CD4: variants seen among roughly 807,000 people sequenced by gnomAD.
The protein encoded by CD4 is CD4 molecule.
CD4 carries 25 observed loss-of-function variants against 50.5 expected under a neutral mutation model. The ratio of observed to expected loss-of-function variants is 0.49; its 90% CI spans 0.36 to 0.69. The LOEUF is 0.69. Among genes scored for constraint, CD4 ranks in the 30% least tolerant of loss-of-function variants. CD4 has a pLI of 0.00. For synonymous variants in CD4, 207 were observed against 221.9 expected (o/e 0.93, Z 0.60); for missense variants, 456 against 548.5 (o/e 0.83, Z 1.68).
Position 6,816,080 on chromosome 12 carries a change from T to C in CD4, c.632T>C (p.Val211Ala). 1 of 1,614,068 alleles carries C rather than the reference T, an allele frequency of 6.2e-7. No homozygotes were observed. The highest frequency in any genetic ancestry group is 8.5e-7 in the Non-Finnish European group (1 of 1,180,010). Residue 211 changes from valine to alanine, a missense_variant, in exon 6 of 10, where the codon GTC (valine) becomes GCC (alanine). Val to Ala is a moderately conservative substitution (Grantham distance 64). Transcript: ENST00000011653. This position sits in a 1 kb window ranked among gnomAD's most constrained non-coding sequence, Gnocchi z 4.9. ...GCTTTCCAGAAGGCCTCCAGCATAG[T>C]CTATAAGAAAGAGGGGGAACAGGTG... is the stretch of plus-strand genomic sequence containing the variant. Reference protein sequence around the residue: ...VLAFQKASSIVYKKEGEQVEF... With the variant: ...VLAFQKASSIAYKKEGEQVEF...
At chr12:6,793,970 A>ATATCTATCTATC (rs35782413) in intron 1 of CD4, among the ~76,000 whole-genome samples, 22,978 of 133,698 alleles carry the variant, frequency 0.17, 2,006 homozygotes, top group Middle Eastern at 0.21. Flanking sequence ...CTATCTATCT[A>ATATCTATCTATC]TATCTATCTA....
At position 6,814,781 on chromosome 12, in the gene CD4, C is replaced by T. The variant is rs1017491203; in HGVS notation, c.396C>T (p.His132=). The change falls in exon 5 of 10, where the codon CAC becomes CAT. Residue 132 remains histidine (H), a synonymous_variant. Coordinates refer to ENST00000011653, the MANE Select transcript of CD4 (RefSeq NM_000616.5). ...CAGTGACTGCCAACTCTGACACCCACCTGCTTCAGGGGCAGAGCCTGACCC... is the reference window on the plus strand; with the variant it reads ...CAGTGACTGCCAACTCTGACACCCATCTGCTTCAGGGGCAGAGCCTGACCC... ...VFGLTANSDT[H]LLQGQSLTLT... The T allele has an allele frequency of 1.7e-5, 27 of 1,613,814 alleles. No individual in the cohort carries two copies. The highest frequency in any genetic ancestry group is 2.2e-5 in the Non-Finnish European group (26 of 1,179,852).
At chr12:6,789,967 A>T (rs1942104172) in intron 1 of CD4, among the ~76,000 whole-genome samples, 1 of 152,134 alleles carries the variant, frequency 6.6e-6, no homozygotes, top group Non-Finnish European at 1.5e-5. Context: ...AAGACTGGAG[A>T]CTATCCCAGG....
At position 6,792,477 on chromosome 12, in the gene CD4, G is replaced by A. The variant is rs1942189926; in HGVS notation, c.-68+2815G>A. On this transcript the variant is annotated intron_variant, in intron 1 of 9. Transcript: ENST00000011653. The surrounding 1 kb of genome is among the most constrained non-coding windows in gnomAD (Gnocchi z 4.1). Reference sequence around the variant, plus strand: ...TACCCTGCGCTTTGTGTGTGATTGTGGATTGTGTGTGCATAGCTGTTGCTT... The same window carrying A: ...TACCCTGCGCTTTGTGTGTGATTGTAGATTGTGTGTGCATAGCTGTTGCTT... 2.0e-5 allele frequency among the ~76,000 whole-genome samples: 3 copies of A among 152,126 alleles called. No homozygotes were observed. In the South Asian group the frequency reaches 6.2e-4, roughly 32 times the overall value.
At position 6,818,299 on chromosome 12, in the gene CD4, CT is replaced by C. The variant is rs1943158518; in HGVS notation, c.1157-121del. 4 of 1,317,148 alleles carry C rather than the reference CT, an allele frequency of 3.0e-6. No individual in the cohort carries two copies. Among genetic ancestry groups the C allele is most frequent in the Non-Finnish European group, 4.2e-6 (4 of 952,770 alleles). 81.6% of individuals were successfully genotyped at this position (1,317,148 alleles called of 1,614,324 possible). A position where few individuals can be genotyped will look rare whatever the true frequency, so the allele number is the denominator to read the frequency against. On this transcript the variant is annotated intron_variant, in intron 7 of 9. Coordinates refer to ENST00000011653, the MANE Select transcript of CD4 (RefSeq NM_000616.5). The surrounding 1 kb of genome is among the most constrained non-coding windows in gnomAD (Gnocchi z 5.0). The stretch of plus-strand genomic sequence containing the variant: ...GGCCTTTGAGAGCCCCCAGGCACCC[CT>C]CCCCTCTCCCCCAACCCCAGGGTCA...
rs1178005954 is a variant in CD4, at chr12:6,792,262, T to G, written c.-68+2600T>G. ...CTGGGCCCTCTTACCCTCCCAAGCC[T>G]CGCCCCTCATCCCATCCCTGGGGGC... is the stretch of plus-strand genomic sequence containing the variant. On this transcript the variant is annotated intron_variant, in intron 1 of 9. Transcript: ENST00000011653. This position sits in a 1 kb window ranked among gnomAD's most constrained non-coding sequence, Gnocchi z 4.1. 6.6e-6 allele frequency among the ~76,000 whole-genome samples: 1 copy of G among 151,980 alleles called. No individual in the cohort carries two copies. Among genetic ancestry groups the G allele is most frequent in the Admixed American group, 6.6e-5 (1 of 15,260 alleles).
At chr12:6,796,340 C>A (rs12099768) in intron 1 of CD4, among the ~76,000 whole-genome samples, 1 of 152,310 alleles carries the variant, frequency 6.6e-6, no homozygotes, top group South Asian at 2.1e-4. Context: ...CAAGCTTCAA[C>A]GGCAAAGATG....
chr12:6,817,290 G>A lies in CD4; in HGVS notation c.1116G>A (p.Leu372=). 6.4e-7 allele frequency: 1 copy of A among 1,573,096 alleles called. No homozygotes were observed. Among genetic ancestry groups the A allele is most frequent in the Non-Finnish European group, 8.6e-7 (1 of 1,157,816 alleles). ...NPEAGMWQCL[L]SDSGQVLLES... is the part of the protein sequence containing the mutation. ...AGGCGGGGATGTGGCAGTGTCTGCT[G>A]AGTGACTCGGGACAGGTCCTGCTGG... Residue 372 remains leucine (L), a synonymous_variant, in exon 7 of 10, where the codon CTG becomes CTA. Transcript: ENST00000011653.
rs1360825602 is a variant in CD4 at position 6,792,846 on chromosome 12, TGA to T, written c.-68+3186_-68+3187del. Reference sequence around the variant, plus strand: ...AGAGCCAGCACGGCCGCCTGGTATATGAGGCAAAGAGGAAGACAGACACAGAC... The same window carrying T: ...AGAGCCAGCACGGCCGCCTGGTATATGGCAAAGAGGAAGACAGACACAGAC... On this transcript the variant is annotated intron_variant, in intron 1 of 9. Transcript: ENST00000011653. This position sits in a 1 kb window ranked among gnomAD's most constrained non-coding sequence, Gnocchi z 4.1. Among the ~76,000 whole-genome samples, 1 of 151,936 alleles carries T rather than the reference TGA, an allele frequency of 6.6e-6. No individual in the cohort carries two copies. Among genetic ancestry groups the T allele is most frequent in the African/African-American group, 2.4e-5 (1 of 41,336 alleles).
chr12:6,807,973 G>A (rs112251804), intron 3 of CD4, among the ~76,000 whole-genome samples: 140 of 151,204 alleles, frequency 9.3e-4, no homozygotes, highest in African/African-American at 3.3e-3. Flanking sequence ...CCAGCTACTC[G>A]GGAGGCTGAG....
chr12:6,800,383 A>G lies in CD4; in HGVS notation c.126A>G (p.Thr42=), dbSNP rs1555115055. The G allele has an allele frequency of 2.5e-6, 4 of 1,614,068 alleles. No individual in the cohort carries two copies. The highest frequency in any genetic ancestry group is 3.4e-6 in the Non-Finnish European group (4 of 1,179,918). The change falls in exon 3 of 10, where the codon ACA becomes ACG. Residue 42 remains threonine (T), a synonymous_variant. Transcript: ENST00000011653. The part of the protein sequence containing the change: ...KKGDTVELTC[T]ASQKKSIQFH... ...GGGATACAGTGGAACTGACCTGTAC[A>G]GCTTCCCAGAAGAAGAGCATACAAT... is the stretch of plus-strand genomic sequence containing the variant.
intron 1 of CD4, among the ~76,000 whole-genome samples, chr12:6,797,769 A>G (rs28920468): frequency 0.012 from 1,764 of 152,326 alleles, 35 homozygotes; most frequent in African/African-American, 0.04. Context: ...AGTAAAGAGT[A>G]ACAGAGCAGT....
At position 6,816,387 on chromosome 12, in the gene CD4, C is replaced by A. The variant is rs781840792; in HGVS notation, c.939C>A (p.Asn313Lys). The A allele has an allele frequency of 3.8e-5, 61 of 1,613,572 alleles. No homozygotes were observed. The highest frequency in any genetic ancestry group is 5.0e-5 in the Non-Finnish European group (59 of 1,179,728). Reference sequence around the variant, plus strand: ...CAGGAAAGTTGCATCAGGAAGTGAACCTGGTGGTGATGAGAGGTGAGGGGC... The same window carrying A: ...CAGGAAAGTTGCATCAGGAAGTGAAACTGGTGGTGATGAGAGGTGAGGGGC... ...AKTGKLHQEV[N>K]LVVMRATQLQ... The change falls in exon 6 of 10, where the codon AAC becomes AAA. Residue 313 changes from asparagine (N) to lysine (K), a missense_variant. Physicochemically the swap from Asn to Lys is moderately conservative, Grantham distance 94 (BLOSUM62 0). Transcript: ENST00000011653. The surrounding 1 kb of genome is among the most constrained non-coding windows in gnomAD (Gnocchi z 4.9).
Position 6,816,474 on chromosome 12 carries a change from A to G in CD4, c.955+71A>G. ...GGGGCCTGGCCCAGGGCTCCCTCTG[A>G]GGCAAGCCAGGCCCCAAGAGGGGAT... is the stretch of plus-strand genomic sequence containing the variant. On this transcript the variant is annotated intron_variant, in intron 6 of 9. Coordinates refer to ENST00000011653, the MANE Select transcript of CD4 (RefSeq NM_000616.5). The surrounding 1 kb of genome is among the most constrained non-coding windows in gnomAD (Gnocchi z 4.9). 8.0e-7 allele frequency: 1 copy of G among 1,251,164 alleles called. No individual in the cohort carries two copies. The highest frequency in any genetic ancestry group is 1.1e-6 in the Non-Finnish European group (1 of 906,134). The allele number at this position is 1,251,164 out of a possible 1,614,324, so 77.5% of individuals were successfully genotyped here. A position where few individuals can be genotyped will look rare whatever the true frequency, so the allele number is the denominator to read the frequency against.
At chr12:6,791,843 C>T (rs1205870821) in intron 1 of CD4, among the ~76,000 whole-genome samples, 1 of 152,182 alleles carries the variant, frequency 6.6e-6, no homozygotes, top group Non-Finnish European at 1.5e-5. Context: ...GACTGTGCCA[C>T]TGCACTCCAG....
chr12:6,806,178 CACACATACACAAGT>C (rs879991352), intron 3 of CD4, among the ~76,000 whole-genome samples: 31,746 of 137,568 alleles, frequency 0.23, 3,795 homozygotes, highest in Admixed American at 0.28. Context: ...CACACACACA[CACACATACACAAGT>C]ATATACACAT....
At chr12:6,804,172 A>G (rs1157514980) in intron 3 of CD4, among the ~76,000 whole-genome samples, 1 of 4,028 alleles carries the variant, frequency 2.5e-4, no homozygotes, top group African/African-American at 3.0e-4. Flanking sequence ...GCACACACAC[A>G]CACACACACA....
rs782682308 is a variant in CD4 at position 6,811,428 on chromosome 12, G to A, written c.215-2714G>A. On this transcript the variant is annotated intron_variant, in intron 3 of 9. Transcript: ENST00000011653. ...CTTTCCAGAGATAGCATTGCATAGC[G>A]AAATAGCCTGAATTATTTTTATTTT... Among the ~76,000 whole-genome samples the A allele has an allele frequency of 5.3e-5, 8 of 151,578 alleles. No individual in the cohort carries two copies. In the South Asian group the frequency reaches 8.4e-4, roughly 16 times the overall value.
rs1555117932 is a variant in CD4 at position 6,816,285 on chromosome 12, G to A, written c.837G>A (p.Pro279=). 1.9e-6 allele frequency: 3 copies of A among 1,614,172 alleles called. No homozygotes were observed. The highest frequency in any genetic ancestry group is 2.2e-5 in the East Asian group (1 of 44,884). The change falls in exon 6 of 10, where the codon CCG becomes CCA. Residue 279 remains proline (P), a synonymous_variant. Transcript: ENST00000011653. This position sits in a 1 kb window ranked among gnomAD's most constrained non-coding sequence, Gnocchi z 4.9. ...DPKLQMGKKL[P]LHLTLPQALP... ...AGCTCCAGATGGGCAAGAAGCTCCC[G>A]CTCCACCTCACCCTGCCCCAGGCCT...
Sources: gnomAD v4.1 joint callset for allele counts (sites outside exome capture counted in the v4.1 genomes callset) on GRCh38, gnomAD v4.1.1 for gene constraint, Gnocchi (gnomAD v3.1) non-coding constraint, MANE v1.5 for transcripts, NCBI Gene and HGNC (gene_info 2026-07-23, HGNC 2026-07-21) for gene names.